The following PRKAA1 variants were observed in gnomAD, a reference collection of about 807,000 sequenced individuals.
The protein encoded by PRKAA1 is 5'-AMP-activated protein kinase catalytic subunit alpha-1.
Under a neutral mutation model 56.9 loss-of-function variants are expected in PRKAA1, and 23 were observed. That is an observed-to-expected ratio of 0.40 (90% CI 0.29 to 0.57). The LOEUF (loss-of-function observed/expected upper bound fraction) is 0.57. Ranked by LOEUF, PRKAA1 falls within the 20% of genes least tolerant of loss-of-function variation. The pLI is 0.39. For synonymous variants in PRKAA1, 226 were observed against 227.0 expected, an observed-to-expected ratio of 1.00 and a Z score of 0.04; for missense variants, 413 against 679.7, an observed-to-expected ratio of 0.61 and a Z score of 4.36.
rs1217515466 is a variant in PRKAA1, at chr5:40,762,734, T to C, written c.*44A>G. On this transcript the variant is annotated 3_prime_UTR_variant, in exon 9 of 9. Coordinates refer to ENST00000397128, the MANE Select transcript of PRKAA1 (RefSeq NM_006251.6). ...ATGGAAGCATTTGGCTGTGACTTAT[T>C]ATGCATGCTTATTGCTGCAAAAGAA... 1 of 1,603,736 alleles carries C rather than the reference T, an allele frequency of 6.2e-7. No homozygotes were observed. The highest frequency in any genetic ancestry group is 1.7e-5 in the Admixed American group (1 of 59,430).
rs1743523187 is a variant in PRKAA1 at position 40,767,580 on chromosome 5, T to A, written c.707A>T (p.Lys236Met). 2 of 1,613,472 alleles carry A rather than the reference T, an allele frequency of 1.2e-6. No individual in the cohort carries two copies. Among genetic ancestry groups the A allele is most frequent in the Non-Finnish European group, 8.5e-7 (1 of 1,179,450 alleles). Reference sequence around the variant, plus strand: ...GGTATAGAAGATCCCATCACATATCTTCTTAAAAAGAGTTGGCACATGGTC... The same window carrying A: ...GGTATAGAAGATCCCATCACATATCATCTTAAAAAGAGTTGGCACATGGTC... ...DDDHVPTLFK[K>M]ICDGIFYTPQ... Residue 236 changes from lysine (K) to methionine (M), a missense_variant, in exon 6 of 9, where the codon AAG becomes ATG. Transcript: ENST00000397128.
In PRKAA1 at chr5:40,764,618, C is replaced by A. The variant is rs747211627; in HGVS notation, c.1331G>T (p.Arg444Leu). Residue 444 changes from arginine (R) to leucine (L), a missense_variant, in exon 8 of 9, where the codon CGT (arginine) becomes CTT (leucine). Coordinates refer to ENST00000397128, the MANE Select transcript of PRKAA1 (RefSeq NM_006251.6). ...TGTCACAGGATTCTTCCTTCGTACA[C>A]GCAAATAATATGGGTTTACAACCTA... Reference protein sequence around the residue: ...EWKVVNPYYLRVRRKNPVTST... With the variant: ...EWKVVNPYYLLVRRKNPVTST... 3 of 1,613,898 alleles carry A rather than the reference C, an allele frequency of 1.9e-6. No homozygotes were observed. The South Asian group carries it at 3.3e-5, about 18-fold the overall frequency.
At chr5:40,768,593 T>C (rs189055655) in intron 5 of PRKAA1, 13 of 1,045,788 alleles carry the variant, frequency 1.2e-5, no homozygotes, top group Non-Finnish European at 1.5e-5. Context: ...CTCACAGCCA[T>C]ATTTTTACAC....
At chr5:40,778,779 A>ATTT (rs70988808) in intron 1 of PRKAA1, among the ~76,000 whole-genome samples, 21 of 57,788 alleles carry the variant, frequency 3.6e-4, no homozygotes, top group East Asian at 1.6e-3. Context: ...CTGTTTTTTA[A>ATTT]TTTTTTTTTT....
chr5:40,798,093 G>T lies in PRKAA1; in HGVS notation c.97C>A (p.Leu33Met). ...ACTTTGCCGAAGGTGCCGACCCCCA[G>T]CGTGTCACCCAGAATGTAGTGGCCG... ...KIGHYILGDT[L>M]GVGTFGKVKV... The change falls in exon 1 of 9, where the codon CTG becomes ATG. Residue 33 changes from leucine to methionine, a missense_variant. Physicochemically the swap from Leu to Met is conservative, Grantham distance 15 (BLOSUM62 2). Coordinates refer to ENST00000397128, the MANE Select transcript of PRKAA1 (RefSeq NM_006251.6). The T allele has an allele frequency of 6.2e-7, 1 of 1,609,786 alleles. No individual in the cohort carries two copies. Among genetic ancestry groups the T allele is most frequent in the Non-Finnish European group, 8.5e-7 (1 of 1,177,632 alleles).
intron 8 of PRKAA1, 140 bp downstream of exon 8, chr5:40,764,374 A>C (rs1743324885): frequency 1.3e-6 from 1 of 769,324 alleles, no homozygotes; most frequent in Non-Finnish European, 2.0e-6. Flanking sequence ...TTAATATTGC[A>C]AAGGCACAAG....
chr5:40,791,214 C>T (rs1172652724), intron 1 of PRKAA1, among the ~76,000 whole-genome samples: 2 of 152,246 alleles, frequency 1.3e-5, no homozygotes, highest in Admixed American at 6.5e-5. Flanking sequence ...AGTAAATGGA[C>T]TCTGTCAGGC....
At chr5:40,797,313 A>T (rs1579770302) in intron 1 of PRKAA1, among the ~76,000 whole-genome samples, 1 of 152,268 alleles carries the variant, frequency 6.6e-6, no homozygotes, top group Admixed American at 6.5e-5. Flanking sequence ...GTACTAATAA[A>T]GTAATAAATA....
chr5:40,776,709 T>C (rs914774433), intron 2 of PRKAA1, among the ~76,000 whole-genome samples: 3 of 152,206 alleles, frequency 2.0e-5, no homozygotes, highest in Admixed American at 1.3e-4. Context: ...TTTTGAAACC[T>C]TGGATTCCTG....
intron 4 of PRKAA1, among the ~76,000 whole-genome samples, chr5:40,771,419 C>G (rs974985462): frequency 6.6e-6 from 1 of 152,200 alleles, no homozygotes; most frequent in African/African-American, 2.4e-5. Flanking sequence ...AGGAGGGTCA[C>G]CTGGCCCAGT....
intron 1 of PRKAA1, among the ~76,000 whole-genome samples, chr5:40,787,421 C>T (rs4957352): frequency 0.31 from 47,187 of 151,496 alleles, 7,584 homozygotes; most frequent in East Asian, 0.55. Flanking sequence ...GCCAAGATCA[C>T]GCCACTGCAC....
chr5:40,773,375 A>G (rs1743841075), intron 3 of PRKAA1, among the ~76,000 whole-genome samples: 1 of 152,176 alleles, frequency 6.6e-6, no homozygotes, highest in Non-Finnish European at 1.5e-5. Context: ...AAAAATGAAA[A>G]TTATACTGTA....
intron 1 of PRKAA1, among the ~76,000 whole-genome samples, chr5:40,780,392 C>T (rs1267292048): frequency 6.6e-6 from 1 of 152,088 alleles, no homozygotes; most frequent in African/African-American, 2.4e-5. Context: ...ATACCAAATC[C>T]GTATTAGTCA....
rs1743124718 is a variant in PRKAA1 at position 40,760,323 on chromosome 5, AAC to A, written c.*2453_*2454del. ...CAATATTTAAATATTTTCAAAATAAAACACAGTAACTAAAATGAATCACAATA... is the reference window on the plus strand; with the variant it reads ...CAATATTTAAATATTTTCAAAATAAAACAGTAACTAAAATGAATCACAATA... On this transcript the variant is annotated 3_prime_UTR_variant, in exon 9 of 9. Coordinates refer to ENST00000397128, the MANE Select transcript of PRKAA1 (RefSeq NM_006251.6). 1 of 152,822 alleles carries A rather than the reference AAC, an allele frequency of 6.5e-6. No individual in the cohort carries two copies. Among genetic ancestry groups the A allele is most frequent in the Non-Finnish European group, 1.5e-5 (1 of 68,026 alleles). 9.5% of individuals were successfully genotyped at this position (152,822 alleles called of 1,614,324 possible). A position where few individuals can be genotyped will look rare whatever the true frequency, so the allele number is the denominator to read the frequency against.
chr5:40,773,288 A>T (rs1167325542), intron 3 of PRKAA1, among the ~76,000 whole-genome samples: 1 of 152,234 alleles, frequency 6.6e-6, no homozygotes, highest in African/African-American at 2.4e-5. Context: ...GGGAAAAAAA[A>T]GAGTATCTGT....
chr5:40,797,974 C>A, intron 1 of PRKAA1, 89 bp downstream of exon 1: 1 of 1,545,654 alleles, frequency 6.5e-7, no homozygotes, highest in Non-Finnish European at 8.8e-7. Flanking sequence ...AGAAGGGACG[C>A]AGCGGGCGGG....
In PRKAA1 at chr5:40,795,043, A is replaced by C. The variant is rs249431; in HGVS notation, c.127+3020T>G. On this transcript the variant is annotated intron_variant, in intron 1 of 8. Coordinates refer to ENST00000397128, the MANE Select transcript of PRKAA1 (RefSeq NM_006251.6). ...CACACACACACACACACAAAATGGA[A>C]TACTACACAGCCATAAAAAGGAATG... is the stretch of plus-strand genomic sequence containing the variant. Among the ~76,000 whole-genome samples the C allele has an allele frequency of 7.2e-3, 1,097 of 152,012 alleles. 13 individuals are homozygous for C. Among genetic ancestry groups the C allele is most frequent in the East Asian group, 0.028 (143 of 5,176 alleles).
chr5:40,776,896 A>G (rs908440805), intron 2 of PRKAA1: 37 of 152,342 alleles, frequency 2.4e-4, no homozygotes, highest in Non-Finnish European at 2.9e-5. Flanking sequence ...CCAGAAGAGC[A>G]TCTTTCCAGG....
chr5:40,772,619 G>C (rs956945146), intron 3 of PRKAA1, among the ~76,000 whole-genome samples: 2 of 149,524 alleles, frequency 1.3e-5, no homozygotes, highest in African/African-American at 4.9e-5. Flanking sequence ...GTGTTTTTTT[G>C]GGGGGGCGGG....
Sources: allele counts gnomAD v4.1 joint callset (sites outside exome capture counted in the v4.1 genomes callset), GRCh38; gene constraint gnomAD v4.1.1; transcripts MANE v1.5; gene names NCBI Gene and HGNC (gene_info 2026-07-23, HGNC 2026-07-21).